Variants in DCC observed in about 807,000 individuals in gnomAD.
DCC encodes DCC netrin 1 receptor, also known as netrin receptor DCC.
A neutral mutation model predicts 172.5 loss-of-function variants in DCC; 58 were observed. The observed-to-expected ratio is 0.34, with a 90% confidence interval of 0.27 to 0.42. DCC has a LOEUF of 0.42. Ranked by LOEUF, DCC falls within the 10% of genes least tolerant of loss-of-function variation. The pLI is 1.00. For missense variants in DCC, 1,740 were observed against 1,791.0 expected (o/e 0.97, Z 0.51); for synonymous variants, 709 against 644.5 (o/e 1.10, Z -1.52).
chr18:52,473,768 G>T (rs563976550), intron 1 of DCC, among the ~76,000 whole-genome samples: 1 of 152,218 alleles, frequency 6.6e-6, no homozygotes, highest in Admixed American at 6.5e-5. Context: ...TGAGATTTGG[G>T]TTGGGACACA....
chr18:52,794,784 A>ATGG (rs1432571638), intron 2 of DCC, among the ~76,000 whole-genome samples: 3 of 152,044 alleles, frequency 2.0e-5, no homozygotes, highest in Admixed American at 6.5e-5. Context: ...TGTCATATAT[A>ATGG]TGGTCTTTCT....
intron 8 of DCC, among the ~76,000 whole-genome samples, chr18:53,165,883 C>T (rs1392107676): frequency 6.6e-6 from 1 of 152,162 alleles, no homozygotes; most frequent in Non-Finnish European, 1.5e-5. Flanking sequence ...AAGGAACATG[C>T]TTCTGTGAGA....
intron 6 of DCC, among the ~76,000 whole-genome samples, chr18:53,064,247 T>C (rs1034059547): frequency 1.4e-4 from 22 of 152,162 alleles, no homozygotes; most frequent in African/African-American, 5.3e-4. Flanking sequence ...ACTGGCAGAA[T>C]GCTTGTCTCA....
At chr18:52,815,460 C>A (rs1174107297) in intron 2 of DCC, among the ~76,000 whole-genome samples, 1 of 151,326 alleles carries the variant, frequency 6.6e-6, no homozygotes, top group Non-Finnish European at 1.5e-5. Context: ...CGTCCCACCA[C>A]CCCCCTGCCC....
At chr18:52,879,189 A>C (rs994682062) in intron 2 of DCC, among the ~76,000 whole-genome samples, 13 of 152,284 alleles carry the variant, frequency 8.5e-5, no homozygotes, top group African/African-American at 3.1e-4. Flanking sequence ...GCTCTTTCAT[A>C]AACCTTTGCT....
chr18:53,297,629 A>C (rs753197110), intron 12 of DCC, among the ~76,000 whole-genome samples: 1 of 152,220 alleles, frequency 6.6e-6, no homozygotes, highest in Non-Finnish European at 1.5e-5. Flanking sequence ...ATGTTCCCGT[A>C]ACAGCAACAG....
intron 2 of DCC, among the ~76,000 whole-genome samples, chr18:52,876,182 A>G (rs972681290): frequency 1.3e-5 from 2 of 152,206 alleles, no homozygotes; most frequent in Non-Finnish European, 2.9e-5. Context: ...ATCATTTGTC[A>G]TAAATACAAA....
chr18:53,120,841 T>C (rs2043472933), intron 7 of DCC, among the ~76,000 whole-genome samples: 1 of 151,904 alleles, frequency 6.6e-6, no homozygotes, highest in South Asian at 2.1e-4. Context: ...AGTTAGAATG[T>C]TAAAAGAAAA....
intron 14 of DCC, among the ~76,000 whole-genome samples, chr18:53,333,290 C>A (rs2057552527): frequency 6.6e-6 from 1 of 152,122 alleles, no homozygotes; most frequent in Non-Finnish European, 1.5e-5. Flanking sequence ...ATCAGACATG[C>A]CTGGAAAGGC....
chr18:52,709,448 G>A (rs982424301), intron 1 of DCC, among the ~76,000 whole-genome samples: 1 of 152,116 alleles, frequency 6.6e-6, no homozygotes, highest in African/African-American at 2.4e-5. Context: ...TATCACAGGG[G>A]CATGGCTCTA....
intron 1 of DCC, among the ~76,000 whole-genome samples, chr18:52,699,497 A>G (rs74786237): frequency 0.11 from 16,630 of 152,270 alleles, 1,103 homozygotes; most frequent in East Asian, 0.29. Context: ...GAAGAATGTT[A>G]AAATCATTAC....
At chr18:53,121,368 C>T (rs143378250) in intron 7 of DCC, among the ~76,000 whole-genome samples, 1 of 152,016 alleles carries the variant, frequency 6.6e-6, no homozygotes, top group African/African-American at 2.4e-5. Flanking sequence ...AATATTATAG[C>T]AATGCCAAAT....
At chr18:53,462,667 A>C (rs1568147823) in intron 24 of DCC, among the ~76,000 whole-genome samples, 1 of 151,846 alleles carries the variant, frequency 6.6e-6, no homozygotes, top group Non-Finnish European at 1.5e-5. Context: ...CCATGAAAAA[A>C]TTTTCTTCCA....
chr18:53,198,367 T>A (rs2055481193), intron 9 of DCC, among the ~76,000 whole-genome samples: 1 of 151,854 alleles, frequency 6.6e-6, no homozygotes, highest in Admixed American at 6.6e-5. Flanking sequence ...ATAGGTAGAG[T>A]AGGGATAAAA....
At chr18:52,608,729 A>C (rs1270264444) in intron 1 of DCC, among the ~76,000 whole-genome samples, 1 of 152,192 alleles carries the variant, frequency 6.6e-6, no homozygotes, top group Non-Finnish European at 1.5e-5. Context: ...GAAAGCAGGC[A>C]CTTTTATCCT....
At chr18:53,170,159 C>T (rs1360956153) in intron 8 of DCC, among the ~76,000 whole-genome samples, 3 of 152,128 alleles carry the variant, frequency 2.0e-5, no homozygotes, top group Admixed American at 2.0e-4. Context: ...GATGTCACCC[C>T]ATTAAAACAC....
intron 27 of DCC, among the ~76,000 whole-genome samples, chr18:53,516,161 G>A (rs1291447499): frequency 1.3e-5 from 2 of 150,956 alleles, no homozygotes; most frequent in Non-Finnish European, 2.9e-5. Flanking sequence ...CTACAACTAT[G>A]TGATCTTTGA....
At chr18:52,552,379 G>A (rs1354265932) in intron 1 of DCC, among the ~76,000 whole-genome samples, 1 of 151,964 alleles carries the variant, frequency 6.6e-6, no homozygotes, top group Non-Finnish European at 1.5e-5. Flanking sequence ...TGCATCCTAG[G>A]GCCTGAGTTG....
rs116853335 is a variant in DCC at position 52,385,186 on chromosome 18, G to A, written c.91+44308G>A. 3.6e-4 allele frequency among the ~76,000 whole-genome samples: 55 copies of A among 152,154 alleles called. No homozygotes were observed. The East Asian group carries it at 0.01, about 28-fold the overall frequency. On this transcript the variant is annotated intron_variant, in intron 1 of 28. Transcript: ENST00000442544. ...AGATAAACGGGAATGCACTTGTCTG[G>A]GTGCTCTATTTTCTTGTCCCAATAA...
Sources: allele counts gnomAD v4.1 joint callset (sites outside exome capture counted in the v4.1 genomes callset), GRCh38; gene constraint gnomAD v4.1.1; transcripts MANE v1.5; gene names NCBI Gene and HGNC (gene_info 2026-07-23, HGNC 2026-07-21).